Variants in TRDN observed in about 807,000 individuals in gnomAD.
The protein encoded by TRDN is triadin.
Under a neutral mutation model 149.7 loss-of-function variants are expected in TRDN, and 161 were observed. The observed-to-expected ratio is 1.08, with a 90% CI of 0.95 to 1.23. TRDN has a LOEUF of 1.23. Among genes scored for constraint, TRDN ranks in the 50% most tolerant of loss-of-function variants. TRDN has a pLI of 0.00. For synonymous variants in TRDN, 294 were observed against 250.5 expected (o/e 1.17, Z -1.64); for missense variants, 896 against 823.5 (o/e 1.09, Z -1.08).
At chr6:123,313,206 CT>C (rs1778898318) in intron 24 of TRDN, among the ~76,000 whole-genome samples, 1 of 151,920 alleles carries the variant, frequency 6.6e-6, no homozygotes, top group East Asian at 1.9e-4. Flanking sequence ...TAATTTTTAG[CT>C]TCCTTGCATT....
At chr6:123,305,169 A>G (rs1216025003) in intron 24 of TRDN, among the ~76,000 whole-genome samples, 1 of 152,160 alleles carries the variant, frequency 6.6e-6, no homozygotes, top group Non-Finnish European at 1.5e-5. Context: ...TGACTTCAAG[A>G]GTTCCCATTC....
intron 10 of TRDN, among the ~76,000 whole-genome samples, chr6:123,463,720 T>A (rs1776618413): frequency 6.6e-6 from 1 of 152,070 alleles, no homozygotes; most frequent in African/African-American, 2.4e-5. Context: ...TGTGAACTAT[T>A]ATAGTCCAAA....
At chr6:123,374,337 T>A (rs559133850) in intron 19 of TRDN, among the ~76,000 whole-genome samples, 19 of 152,272 alleles carry the variant, frequency 1.2e-4, no homozygotes, top group African/African-American at 4.3e-4. Flanking sequence ...CAGAGCAATC[T>A]TCAATCTAAA....
rs753710812 is a variant in TRDN at position 123,274,615 on chromosome 6, T to A, written c.1597+26A>T. 16 of 1,593,668 alleles carry A rather than the reference T, an allele frequency of 1.0e-5. No homozygotes were observed. The South Asian group carries it at 1.7e-4, about 17-fold the overall frequency. ...AAATAAAGATAATGTCAACTCTGAA[T>A]CTATATAAAATAAAGCTCATGTTAC... is the stretch of plus-strand genomic sequence containing the variant. On this transcript the variant is annotated intron_variant, in intron 27 of 40. Coordinates refer to ENST00000334268, the MANE Select transcript of TRDN (RefSeq NM_006073.4).
intron 38 of TRDN, among the ~76,000 whole-genome samples, chr6:123,246,336 C>A (rs1776179062): frequency 6.6e-6 from 1 of 151,498 alleles, no homozygotes; most frequent in African/African-American, 2.4e-5. Context: ...AGACCACTAG[C>A]CAGACTAATA....
intron 1 of TRDN, among the ~76,000 whole-genome samples, chr6:123,602,263 G>A (rs1477933380): frequency 3.9e-5 from 6 of 152,044 alleles, no homozygotes; most frequent in African/African-American, 2.4e-5. Flanking sequence ...ACAGAATCAC[G>A]TAATGGCCAT....
intron 1 of TRDN, among the ~76,000 whole-genome samples, chr6:123,616,780 A>G (rs1785109568): frequency 6.6e-6 from 1 of 152,048 alleles, no homozygotes; most frequent in Non-Finnish European, 1.5e-5. Flanking sequence ...TCTAACTTTT[A>G]TTTTTACAAC....
intron 24 of TRDN, among the ~76,000 whole-genome samples, chr6:123,314,328 T>C (rs539379670): frequency 6.6e-6 from 1 of 151,910 alleles, no homozygotes; most frequent in Non-Finnish European, 1.5e-5. Flanking sequence ...GAATAGCTAT[T>C]ATTAAAGTCT....
chr6:123,288,643 A>G (rs1196895980), intron 24 of TRDN, among the ~76,000 whole-genome samples: 1 of 149,870 alleles, frequency 6.7e-6, no homozygotes, highest in South Asian at 2.2e-4. Flanking sequence ...TGACATTTCT[A>G]ATCATGTGGG....
At chr6:123,398,038 T>A (rs1772804695) in intron 12 of TRDN, among the ~76,000 whole-genome samples, 1 of 152,258 alleles carries the variant, frequency 6.6e-6, no homozygotes, top group Non-Finnish European at 1.5e-5. Context: ...GGTGTCTCAC[T>A]CCGTCGCCCA....
intron 24 of TRDN, among the ~76,000 whole-genome samples, chr6:123,308,274 A>T (rs1256831511): frequency 2.0e-5 from 3 of 149,802 alleles, no homozygotes; most frequent in Non-Finnish European, 3.0e-5. Flanking sequence ...ATGGGCACCT[A>T]GCTTGATTCC....
In TRDN at chr6:123,541,185, C is replaced by G. The variant is rs560115693; in HGVS notation, c.424+6155G>C. Reference sequence around the variant, plus strand: ...TGAAATTATTCTTGCTCCAGAAGAACTACATAAAATGGTTGGGCCTGAGTT... The same window carrying G: ...TGAAATTATTCTTGCTCCAGAAGAAGTACATAAAATGGTTGGGCCTGAGTT... On this transcript the variant is annotated intron_variant, in intron 4 of 40. Coordinates refer to ENST00000334268, the MANE Select transcript of TRDN (RefSeq NM_006073.4). Among the ~76,000 whole-genome samples the G allele has an allele frequency of 1.2e-4, 19 of 152,252 alleles. No homozygotes were observed. In the South Asian group the frequency reaches 3.3e-3, roughly 27 times the overall value.
chr6:123,527,769 C>A lies in TRDN; in HGVS notation c.484+2737G>T, dbSNP rs891614101. Among the ~76,000 whole-genome samples the A allele has an allele frequency of 2.0e-4, 31 of 151,672 alleles. 1 individual carries two copies. Among genetic ancestry groups the A allele is most frequent in the African/African-American group, 7.5e-4 (31 of 41,398 alleles). On this transcript the variant is annotated intron_variant, in intron 5 of 40. Coordinates refer to ENST00000334268, the MANE Select transcript of TRDN (RefSeq NM_006073.4). ...TCAGAACAAGGTCACATACAGTATTCTGATTATATTTATAAAATAAAATAA... is the reference window on the plus strand; with the variant it reads ...TCAGAACAAGGTCACATACAGTATTATGATTATATTTATAAAATAAAATAA...
At chr6:123,403,363 G>A (rs928820875) in intron 12 of TRDN, among the ~76,000 whole-genome samples, 1 of 152,144 alleles carries the variant, frequency 6.6e-6, no homozygotes. Context: ...CAAAATAGAA[G>A]TGAGTGGAAT....
intron 23 of TRDN, among the ~76,000 whole-genome samples, chr6:123,317,764 T>C (rs1779082461): frequency 6.6e-6 from 1 of 151,916 alleles, no homozygotes; most frequent in African/African-American, 2.4e-5. Context: ...CAGCACTGGG[T>C]GAAATATCTG....
At chr6:123,555,006 AGTCTTCTGAGACTTTGGGTCCTG>A (rs1398252483) in intron 2 of TRDN, among the ~76,000 whole-genome samples, 1 of 152,170 alleles carries the variant, frequency 6.6e-6, no homozygotes, top group East Asian at 1.9e-4. Flanking sequence ...TGAATTTAAT[AGTCTTCTGAGACTTTGGGTCCTG>A]GAGTTTTCAG....
chr6:123,398,139 G>A (rs531160641), intron 12 of TRDN, among the ~76,000 whole-genome samples: 2 of 152,288 alleles, frequency 1.3e-5, no homozygotes, highest in Non-Finnish European at 2.9e-5. Flanking sequence ...TGAGTAGCCG[G>A]GATTACAGGC....
intron 1 of TRDN, among the ~76,000 whole-genome samples, chr6:123,619,772 A>T (rs1442147930): frequency 3.3e-5 from 5 of 152,156 alleles, no homozygotes; most frequent in Non-Finnish European, 1.5e-5. Flanking sequence ...GTTCTAATTT[A>T]AAAAATAACT....
chr6:123,632,709 C>T (rs2114746300), intron 1 of TRDN, among the ~76,000 whole-genome samples: 1 of 152,142 alleles, frequency 6.6e-6, no homozygotes, highest in South Asian at 2.1e-4. Context: ...CCAGCTCATC[C>T]CCGCTTAAGC....
Sources: allele counts gnomAD v4.1 joint callset (sites outside exome capture counted in the v4.1 genomes callset), GRCh38; gene constraint gnomAD v4.1.1; transcripts MANE v1.5; gene names NCBI Gene and HGNC (gene_info 2026-07-23, HGNC 2026-07-21).